The following PTGFR variants were observed in gnomAD, a reference collection of about 807,000 sequenced individuals.
The protein encoded by PTGFR is prostaglandin F2-alpha receptor.
In PTGFR, 15 loss-of-function variants were observed where a neutral mutation model predicts 26.2. The ratio of observed to expected loss-of-function variants is 0.57; its 90% CI spans 0.38 to 0.88. PTGFR has a LOEUF of 0.88. PTGFR is among the 40% of genes least tolerant of loss of function. The probability of loss-of-function intolerance (pLI) is 0.00; values close to 1 mark genes in which losing one functional copy is unlikely to be tolerated. For missense variants in PTGFR, 369 were observed against 427.2 expected, an observed-to-expected ratio of 0.86 and a Z score of 1.20; for synonymous variants, 165 against 151.1, an observed-to-expected ratio of 1.09 and a Z score of -0.68.
At chr1:78,491,798 C>G (rs992313863) in intron 1 of PTGFR, among the ~76,000 whole-genome samples, 3 of 152,186 alleles carry the variant, frequency 2.0e-5, no homozygotes, top group African/African-American at 2.4e-5. Flanking sequence ...TTCCCAGCCT[C>G]CGGGAAAGCT....
In PTGFR at chr1:78,493,486, T is replaced by G. The variant is rs368886963; in HGVS notation, c.743T>G (p.Val248Gly). 1.3e-5 allele frequency: 21 copies of G among 1,586,888 alleles called. No individual in the cohort carries two copies. The highest frequency in any genetic ancestry group is 1.6e-5 in the Non-Finnish European group (19 of 1,167,044). ...RQGRSHHLEMVIQLLAIMCVS... is the reference protein window; with the variant it reads ...RQGRSHHLEMGIQLLAIMCVS... The stretch of plus-strand genomic sequence containing the variant: ...GGCAGATCTCATCATTTGGAAATGG[T>G]AATCCAGCTCCTGGCGATAATGTGT... The change falls in exon 2 of 3, where the codon GTA (valine) becomes GGA (glycine). Residue 248 changes from valine to glycine, a missense_variant. Transcript: ENST00000370757.
At chr1:78,492,433 T>C (rs1383757426) in intron 1 of PTGFR, among the ~76,000 whole-genome samples, 1 of 152,046 alleles carries the variant, frequency 6.6e-6, no homozygotes, top group Non-Finnish European at 1.5e-5. Flanking sequence ...GAGGAGGAGG[T>C]GCTCATTTGC....
At chr1:78,511,757 T>C (rs1481838578) in intron 2 of PTGFR, among the ~76,000 whole-genome samples, 1 of 152,208 alleles carries the variant, frequency 6.6e-6, no homozygotes, top group African/African-American at 2.4e-5. Flanking sequence ...ATCATGTGGC[T>C]AGCCTGTGAT....
At chr1:78,522,819 A>C (rs993720056) in intron 2 of PTGFR, among the ~76,000 whole-genome samples, 1 of 151,972 alleles carries the variant, frequency 6.6e-6, no homozygotes, top group African/African-American at 2.4e-5. Flanking sequence ...ATTTATCTTA[A>C]CTATCTGTTT....
chr1:78,520,704 T>A (rs1650202003), intron 2 of PTGFR, among the ~76,000 whole-genome samples: 1 of 152,116 alleles, frequency 6.6e-6, no homozygotes, highest in Non-Finnish European at 1.5e-5. Context: ...ACAGAGCATG[T>A]CTTTATTGCT....
chr1:78,527,572 C>T (rs999725554), intron 2 of PTGFR, among the ~76,000 whole-genome samples: 1 of 152,158 alleles, frequency 6.6e-6, no homozygotes, highest in Non-Finnish European at 1.5e-5. Context: ...AAGACTCCCT[C>T]TCTCCCCAAA....
rs558907491 is a variant in PTGFR, at chr1:78,517,923, CAA to C, written c.799-18482_799-18481del. ...GAAATTTCATTTAATGCATGAGTAA[CAA>C]GTGATTACTTTTCTGGAATTTATAT... On this transcript the variant is annotated intron_variant, in intron 2 of 2. Coordinates refer to ENST00000370757, the MANE Select transcript of PTGFR (RefSeq NM_000959.4). Among the ~76,000 whole-genome samples, 308 of 152,164 alleles carry C rather than the reference CAA, an allele frequency of 2.0e-3. 2 individuals are homozygous for C. The highest frequency in any genetic ancestry group is 2.5e-3 in the Non-Finnish European group (173 of 68,000).
rs1650755656 is a variant in PTGFR, at chr1:78,539,992, A to G, written c.*3305A>G. ...CCAAACCTCCAGGTTTAGATATATC[A>G]TTCAGAAAAGCCTCAATGTGTCTGT... On this transcript the variant is annotated 3_prime_UTR_variant, in exon 3 of 3. Coordinates refer to ENST00000370757, the MANE Select transcript of PTGFR (RefSeq NM_000959.4). 6.6e-6 allele frequency among the ~76,000 whole-genome samples: 1 copy of G among 152,130 alleles called. No homozygotes were observed. The highest frequency in any genetic ancestry group is 1.5e-5 in the Non-Finnish European group (1 of 68,006).
At position 78,539,799 on chromosome 1, in the gene PTGFR, G is replaced by A. The variant is rs34635429; in HGVS notation, c.*3112G>A. The stretch of plus-strand genomic sequence containing the variant: ...GGACCATATAAAACTTGAAACGCTT[G>A]AACCTAAACTCCCGTTTTATCTGCT... On this transcript the variant is annotated 3_prime_UTR_variant, in exon 3 of 3. Coordinates refer to ENST00000370757, the MANE Select transcript of PTGFR (RefSeq NM_000959.4). 0.14 allele frequency: 21,522 copies of A among 152,348 alleles called. 1,649 individuals are homozygous for A. The highest frequency in any genetic ancestry group is 0.18 in the Non-Finnish European group (12,530 of 67,948). The allele number at this position is 152,348 out of a possible 1,614,324, so 9.4% of individuals were successfully genotyped here.
intron 2 of PTGFR, among the ~76,000 whole-genome samples, chr1:78,504,321 G>A (rs1649776994): frequency 6.6e-6 from 1 of 152,034 alleles, no homozygotes; most frequent in African/African-American, 2.4e-5. Context: ...AGCTAATGGG[G>A]AAAATACATT....
chr1:78,493,701 T>C (rs1383874280), intron 2 of PTGFR, among the ~76,000 whole-genome samples, 160 bp downstream of exon 2: 2 of 152,228 alleles, frequency 1.3e-5, no homozygotes, highest in Non-Finnish European at 2.9e-5. Context: ...ATGACACATA[T>C]GGTTACTTTC....
chr1:78,499,344 A>C (rs2057424), intron 2 of PTGFR, among the ~76,000 whole-genome samples: 2 of 151,998 alleles, frequency 1.3e-5, no homozygotes, highest in Non-Finnish European at 2.9e-5. Flanking sequence ...AACATAATAC[A>C]TATTTCTCTG....
intron 2 of PTGFR, among the ~76,000 whole-genome samples, chr1:78,511,246 A>C (rs1444147598): frequency 6.6e-6 from 1 of 152,176 alleles, no homozygotes; most frequent in Non-Finnish European, 1.5e-5. Context: ...GCACTACCCT[A>C]GTAGAGGCTT....
rs752130331 is a variant in PTGFR at position 78,540,692 on chromosome 1, C to A, written c.*4005C>A. 1.5e-4 allele frequency among the ~76,000 whole-genome samples: 23 copies of A among 152,196 alleles called. No individual in the cohort carries two copies. The highest frequency in any genetic ancestry group is 2.6e-4 in the Non-Finnish European group (18 of 67,980). Reference sequence around the variant, plus strand: ...TTGCTTTTCTAATAAATGAAAATGACTAAAATGTATTTTGCCTTTGCACTT... The same window carrying A: ...TTGCTTTTCTAATAAATGAAAATGAATAAAATGTATTTTGCCTTTGCACTT... On this transcript the variant is annotated 3_prime_UTR_variant, in exon 3 of 3. Coordinates refer to ENST00000370757, the MANE Select transcript of PTGFR (RefSeq NM_000959.4).
rs999961169 is a variant in PTGFR at position 78,536,346 on chromosome 1, T to A, written c.799-60T>A. ...ATGTCATCTAGCATAGCTAATTTTT[T>A]AAAAATTATAGGATTGAAAAGGCTG... On this transcript the variant is annotated intron_variant, in intron 2 of 2. Coordinates refer to ENST00000370757, the MANE Select transcript of PTGFR (RefSeq NM_000959.4). The A allele has an allele frequency of 3.6e-5, 53 of 1,492,868 alleles. No homozygotes were observed. In the African/African-American group the frequency reaches 3.8e-4, roughly 11 times the overall value. The allele number at this position is 1,492,868 out of a possible 1,614,324, so 92.5% of individuals were successfully genotyped here.
At chr1:78,522,878 T>C (rs920568986) in intron 2 of PTGFR, among the ~76,000 whole-genome samples, 1 of 152,112 alleles carries the variant, frequency 6.6e-6, no homozygotes, top group Non-Finnish European at 1.5e-5. Flanking sequence ...TTCCTTATCA[T>C]TGAAATGGGA....
intron 2 of PTGFR, among the ~76,000 whole-genome samples, chr1:78,531,035 G>T (rs1650494551): frequency 1.3e-5 from 2 of 152,116 alleles, no homozygotes; most frequent in African/African-American, 4.8e-5. Context: ...ACACATTGGG[G>T]TAAAGAAATT....
At chr1:78,523,543 G>A (rs983841884) in intron 2 of PTGFR, among the ~76,000 whole-genome samples, 4 of 151,958 alleles carry the variant, frequency 2.6e-5, no homozygotes, top group African/African-American at 9.7e-5. Flanking sequence ...TGAAAAACAC[G>A]TATAAATACC....
chr1:78,507,273 C>G (rs1156586243), intron 2 of PTGFR, among the ~76,000 whole-genome samples: 2 of 152,088 alleles, frequency 1.3e-5, no homozygotes, highest in African/African-American at 2.4e-5. Context: ...CATCCTTTTT[C>G]CCAGAGAATA....
Sources: allele counts gnomAD v4.1 joint callset (sites outside exome capture counted in the v4.1 genomes callset), GRCh38; gene constraint gnomAD v4.1.1; transcripts MANE v1.5; gene names NCBI Gene and HGNC (gene_info 2026-07-23, HGNC 2026-07-21).